PDE8B: variants seen among roughly 807,000 people sequenced by gnomAD.
The protein encoded by PDE8B is phosphodiesterase 8B.
PDE8B carries 26 observed loss-of-function variants against 101.3 expected under a neutral mutation model. The observed-to-expected ratio is 0.26, with a 90% CI of 0.19 to 0.36. The LOEUF is 0.36. PDE8B is among the 10% of genes least tolerant of loss of function. The probability of loss-of-function intolerance (pLI) is 1.00; values close to 1 mark genes in which losing one functional copy is unlikely to be tolerated. For synonymous variants in PDE8B, 424 were observed against 429.3 expected (o/e 0.99, Z 0.15); for missense variants, 810 against 1,163.1 (o/e 0.70, Z 4.42).
intron 6 of PDE8B, among the ~76,000 whole-genome samples, chr5:77,339,902 T>C (rs1460898343): frequency 6.6e-6 from 1 of 152,156 alleles, no homozygotes. Context: ...TAAGATTCTA[T>C]TATATAAAAT....
chr5:77,292,429 C>T (rs1197540583), intron 1 of PDE8B, among the ~76,000 whole-genome samples: 1 of 152,202 alleles, frequency 6.6e-6, no homozygotes, highest in Non-Finnish European at 1.5e-5. Context: ...TACCAAGGCT[C>T]AGGAAGGCGT....
intron 10 of PDE8B, among the ~76,000 whole-genome samples, chr5:77,377,774 A>C (rs1181996557): frequency 6.6e-6 from 1 of 152,206 alleles, no homozygotes; most frequent in Admixed American, 6.5e-5. Flanking sequence ...TAGAATAAAA[A>C]GGCAGTGGAA....
chr5:77,256,432 C>T (rs1580615014), intron 1 of PDE8B, among the ~76,000 whole-genome samples: 1 of 152,150 alleles, frequency 6.6e-6, no homozygotes, highest in East Asian at 1.9e-4. Flanking sequence ...CATCTGAATC[C>T]AGCTCATTCT....
the PDE8B span, among the ~76,000 whole-genome samples, chr5:77,205,253 C>T: frequency 2.0e-5 from 3 of 152,194 alleles, no homozygotes; most frequent in Non-Finnish European, 2.9e-5. Context: ...AAGAGAAAAC[C>T]GTTCTATGGG....
chr5:77,176,449 A>G, the PDE8B span, among the ~76,000 whole-genome samples: 1 of 152,236 alleles, frequency 6.6e-6, no homozygotes, highest in African/African-American at 2.4e-5. Context: ...ATTTAAAAAA[A>G]CATTTTAAGG....
chr5:77,260,183 GA>G lies in PDE8B; in HGVS notation c.339+48929del, dbSNP rs201206456. The stretch of plus-strand genomic sequence containing the variant: ...AAAAAAAAAAAAAAAAGAAAAAAAA[GA>G]AAAAAAAAAGAAAGAAAGCTATCAC... On this transcript the variant is annotated intron_variant, in intron 1 of 21. Coordinates refer to ENST00000264917, the MANE Select transcript of PDE8B (RefSeq NM_003719.5). Among the ~76,000 whole-genome samples the G allele has an allele frequency of 5.9e-4, 80 of 135,178 alleles. 1 individual carries two copies. In the East Asian group the frequency reaches 0.011, roughly 18 times the overall value. 88.7% of individuals were successfully genotyped at this position (135,178 alleles called of 152,430 possible). A position where few individuals can be genotyped will look rare whatever the true frequency, so the allele number is the denominator to read the frequency against.
intron 1 of PDE8B, among the ~76,000 whole-genome samples, chr5:77,293,755 A>G (rs1270463173): frequency 6.6e-6 from 1 of 152,232 alleles, no homozygotes; most frequent in East Asian, 1.9e-4. Context: ...GCTTGCCAGC[A>G]ATTAACATTG....
the PDE8B span, among the ~76,000 whole-genome samples, chr5:77,175,587 C>T: frequency 2.0e-5 from 3 of 152,220 alleles, no homozygotes; most frequent in African/African-American, 7.2e-5. Context: ...TTATTATCTT[C>T]AGATCATGAT....
the PDE8B span, chr5:77,146,583 C>T: frequency 4.2e-6 from 1 of 238,960 alleles, no homozygotes; most frequent in Admixed American, 4.3e-5. Flanking sequence ...CAAAAGAGAT[C>T]CATGGAACCT....
chr5:77,116,813 C>CA, the PDE8B span, among the ~76,000 whole-genome samples: 1 of 152,134 alleles, frequency 6.6e-6, no homozygotes, highest in Admixed American at 6.5e-5. Flanking sequence ...AGCAAACCCC[C>CA]AAAGTTGTAC....
chr5:77,209,640 C>T (rs1747840752), upstream of PDE8B, among the ~76,000 whole-genome samples: 1 of 152,138 alleles, frequency 6.6e-6, no homozygotes, highest in African/African-American at 2.4e-5. Flanking sequence ...TTCCTCTCCT[C>T]CAGCACAGCT....
chr5:77,172,844 C>T, the PDE8B span, among the ~76,000 whole-genome samples: 3 of 152,168 alleles, frequency 2.0e-5, no homozygotes, highest in African/African-American at 4.8e-5. Flanking sequence ...AAGGACTTTT[C>T]CACTTGTTTA....
chr5:77,254,886 C>T (rs555811765), intron 1 of PDE8B, among the ~76,000 whole-genome samples: 3 of 152,220 alleles, frequency 2.0e-5, no homozygotes, highest in Admixed American at 2.0e-4. Flanking sequence ...TAGGGGAGTA[C>T]GGTTGTTTTA....
the PDE8B span, among the ~76,000 whole-genome samples, chr5:77,138,610 T>C: frequency 1.3e-5 from 2 of 152,226 alleles, no homozygotes; most frequent in Non-Finnish European, 2.9e-5. Flanking sequence ...AATGACTTTT[T>C]AGGTTCCACT....
chr5:77,119,854 A>G, the PDE8B span, among the ~76,000 whole-genome samples: 608 of 152,064 alleles, frequency 4.0e-3, 2 homozygotes, highest in African/African-American at 0.014. Context: ...CACAAAAAAT[A>G]AAGACATTAG....
chr5:77,335,129 T>G (rs1432925715), intron 5 of PDE8B, among the ~76,000 whole-genome samples: 3 of 152,242 alleles, frequency 2.0e-5, no homozygotes, highest in Non-Finnish European at 4.4e-5. Flanking sequence ...CCTTTCAGAT[T>G]TATTTGTAGG....
chr5:77,375,582 C>T (rs1430298956), intron 10 of PDE8B, among the ~76,000 whole-genome samples: 1 of 152,128 alleles, frequency 6.6e-6, no homozygotes, highest in East Asian at 1.9e-4. Flanking sequence ...CCCATCTCCC[C>T]TCCATCAGCC....
chr5:77,161,360 C>T, the PDE8B span, among the ~76,000 whole-genome samples: 6 of 151,930 alleles, frequency 3.9e-5, no homozygotes, highest in African/African-American at 9.7e-5. Context: ...GTAGTTTGTT[C>T]CTTTTTATCG....
the PDE8B span, among the ~76,000 whole-genome samples, chr5:77,184,665 C>T: frequency 6.6e-6 from 1 of 151,958 alleles, no homozygotes; most frequent in East Asian, 1.9e-4. Context: ...ACAAATCAAC[C>T]CTGAAACCTC....
Sources: gnomAD v4.1 joint callset for allele counts (sites outside exome capture counted in the v4.1 genomes callset) on GRCh38, gnomAD v4.1.1 for gene constraint, MANE v1.5 for transcripts, NCBI Gene and HGNC (gene_info 2026-07-23, HGNC 2026-07-21) for gene names.